ART1: variants seen among roughly 807,000 people sequenced by gnomAD.
ART1 encodes ADP-ribosyltransferase 1, also known as GPI-linked NAD(P)(+)--arginine ADP-ribosyltransferase 1.
In ART1, 29 loss-of-function variants were observed where a neutral mutation model predicts 27.0. The observed-to-expected ratio is 1.08, with a 90% CI of 0.80 to 1.47. The LOEUF (loss-of-function observed/expected upper bound fraction) is 1.47, where lower values mean the gene tolerates loss of function less well. Ranked by LOEUF, ART1 falls within the 40% of genes most tolerant of loss-of-function variation. The pLI is 0.00. For missense variants in ART1, 480 were observed against 423.0 expected (o/e 1.13, Z -1.18); for synonymous variants, 201 against 172.2 (o/e 1.17, Z -1.31).
chr11:3,663,598 A>T (rs1016870344), intron 4 of ART1, among the ~76,000 whole-genome samples: 18 of 151,926 alleles, frequency 1.2e-4, no homozygotes, highest in Middle Eastern at 3.4e-3. Context: ...TATTAAAAAA[A>T]TTTTTTTTTG....
In ART1 at chr11:3,659,666, G is replaced by T. The variant is rs760941868; in HGVS notation, c.147G>T (p.Gln49His). The change falls in exon 3 of 5, where the codon CAG becomes CAT. Residue 49 changes from glutamine (Q) to histidine (H), a missense_variant. By Grantham distance (24) the Gln-to-His change is conservative. Transcript: ENST00000250693. ...LDMALASFDD[Q>H]YAGCAAAMTA... ...TGGCCCTGGCCTCCTTTGATGACCA[G>T]TACGCTGGCTGTGCTGCTGCCATGA... The T allele has an allele frequency of 1.9e-5, 30 of 1,613,780 alleles. No homozygotes were observed. Among genetic ancestry groups the T allele is most frequent in the African/African-American group, 5.3e-5 (4 of 74,932 alleles).
intron 1 of ART1, among the ~76,000 whole-genome samples, chr11:3,652,876 C>T (rs1432408206): frequency 1.3e-5 from 2 of 150,264 alleles, no homozygotes; most frequent in Non-Finnish European, 2.9e-5. Flanking sequence ...TCTCCTTAGG[C>T]ACTCTCTAAT....
At chr11:3,657,525 T>C (rs1751583328) in intron 1 of ART1, among the ~76,000 whole-genome samples, 1 of 152,072 alleles carries the variant, frequency 6.6e-6, no homozygotes, top group South Asian at 2.1e-4. Context: ...CAGTGAGCTA[T>C]GATTGTGCCA....
chr11:3,649,876 T>C (rs1366282785), intron 1 of ART1, among the ~76,000 whole-genome samples: 2 of 152,182 alleles, frequency 1.3e-5, no homozygotes, highest in Non-Finnish European at 2.9e-5. Context: ...GCAGCAACCC[T>C]GAGACGCTTT....
chr11:3,646,939 A>G (rs930256249), intron 1 of ART1, among the ~76,000 whole-genome samples: 2 of 152,226 alleles, frequency 1.3e-5, no homozygotes, highest in Non-Finnish European at 2.9e-5. Context: ...ACAATAAGGC[A>G]CTGTGCACTT....
chr11:3,657,677 C>A (rs72844384), intron 1 of ART1, among the ~76,000 whole-genome samples: 1 of 152,190 alleles, frequency 6.6e-6, no homozygotes, highest in Non-Finnish European at 1.5e-5. Flanking sequence ...ATAAAGGGCA[C>A]TCTCATCCAT....
intron 4 of ART1, among the ~76,000 whole-genome samples, chr11:3,663,063 C>CTCATCTCATCTCATCTCA (rs2077632752): frequency 1.0e-5 from 1 of 95,652 alleles, no homozygotes; most frequent in African/African-American, 4.2e-5. Context: ...CTCATCTCAT[C>CTCATCTCATCTCATCTCA]TCATCTCATC....
At chr11:3,651,171 A>G (rs1185584047) in intron 1 of ART1, among the ~76,000 whole-genome samples, 2 of 146,794 alleles carry the variant, frequency 1.4e-5, no homozygotes, top group Non-Finnish European at 3.0e-5. Flanking sequence ...ACAACCCATT[A>G]TTCTGTTCTG....
chr11:3,647,092 G>A (rs928008620), intron 1 of ART1, among the ~76,000 whole-genome samples: 34 of 152,098 alleles, frequency 2.2e-4, no homozygotes, highest in South Asian at 6.3e-4. Context: ...AGGCCGAGGC[G>A]GGCAGCGGAT....
chr11:3,655,347 G>T (rs2133957206), intron 1 of ART1, among the ~76,000 whole-genome samples: 1 of 152,288 alleles, frequency 6.6e-6, no homozygotes, highest in South Asian at 2.1e-4. Context: ...GAGAAAAGCA[G>T]CCAATTAAAA....
intron 4 of ART1, among the ~76,000 whole-genome samples, chr11:3,662,365 G>A (rs2077627292): frequency 1.3e-5 from 2 of 152,140 alleles, no homozygotes; most frequent in Admixed American, 6.5e-5. Context: ...CCATTTCCAG[G>A]GAAGAAACAG....
intron 1 of ART1, among the ~76,000 whole-genome samples, chr11:3,647,730 T>G (rs2077480861): frequency 6.6e-6 from 1 of 151,960 alleles, no homozygotes; most frequent in African/African-American, 2.4e-5. Context: ...ATTCCCTTGA[T>G]TGTGGGAATG....
At chr11:3,648,461 A>G (rs756151708) in intron 1 of ART1, among the ~76,000 whole-genome samples, 2 of 152,154 alleles carry the variant, frequency 1.3e-5, no homozygotes, top group Non-Finnish European at 2.9e-5. Flanking sequence ...TCCAGTAAGC[A>G]GACTCTTTTT....
intron 1 of ART1, among the ~76,000 whole-genome samples, chr11:3,655,821 C>A (rs1223062575): frequency 6.6e-6 from 1 of 152,016 alleles, no homozygotes; most frequent in Non-Finnish European, 1.5e-5. Context: ...ATGAGAAAAG[C>A]CCCACCTGAG....
At chr11:3,650,911 C>T (rs2077516546) in intron 1 of ART1, among the ~76,000 whole-genome samples, 1 of 142,886 alleles carries the variant, frequency 7.0e-6, no homozygotes, top group South Asian at 2.2e-4. Flanking sequence ...ATCACTCTTA[C>T]CCCGCTCAAT....
Position 3,652,149 on chromosome 11 carries a change from C to T in ART1, c.-53+6970C>T, listed in dbSNP as rs577397111. 4.6e-5 allele frequency among the ~76,000 whole-genome samples: 7 copies of T among 150,656 alleles called. No homozygotes were observed. The East Asian group carries it at 5.8e-4, about 12-fold the overall frequency. ...CTCGAGGATTTGCCCCCACCCAGGA[C>T]GGGCAAATTAGCTTTACTCAACATG... On this transcript the variant is annotated intron_variant, in intron 1 of 4. Coordinates refer to ENST00000250693, the MANE Select transcript of ART1 (RefSeq NM_004314.3).
chr11:3,648,944 C>T (rs996175577), intron 1 of ART1, among the ~76,000 whole-genome samples: 11 of 144,636 alleles, frequency 7.6e-5, no homozygotes, highest in African/African-American at 2.9e-4. Context: ...ACACCCCAAC[C>T]TCTTACCTCT....
intron 1 of ART1, among the ~76,000 whole-genome samples, chr11:3,653,485 C>A (rs939903158): frequency 1.4e-4 from 21 of 150,526 alleles, no homozygotes; most frequent in Non-Finnish European, 2.5e-4. Flanking sequence ...CTGTAATTTT[C>A]CTTTATCTAC....
At chr11:3,651,318 G>A (rs551695831) in intron 1 of ART1, among the ~76,000 whole-genome samples, 86 of 151,110 alleles carry the variant, frequency 5.7e-4, no homozygotes, top group African/African-American at 2.0e-3. Context: ...TTCACAGACA[G>A]CCCCCATTAC....
Sources: gnomAD v4.1 joint callset for allele counts (sites outside exome capture counted in the v4.1 genomes callset) on GRCh38, gnomAD v4.1.1 for gene constraint, MANE v1.5 for transcripts, NCBI Gene and HGNC (gene_info 2026-07-23, HGNC 2026-07-21) for gene names.